TMX4: variants seen among roughly 807,000 people sequenced by gnomAD.
The protein encoded by TMX4 is thioredoxin-related transmembrane protein 4.
Under a neutral mutation model 33.3 loss-of-function variants are expected in TMX4, and 23 were observed. The ratio of observed to expected loss-of-function variants is 0.69; its 90% CI spans 0.50 to 0.98. The LOEUF is 0.98. Ranked by LOEUF, TMX4 falls within the 50% of genes least tolerant of loss-of-function variation. The pLI is 0.00. For synonymous variants in TMX4, 164 were observed against 161.5 expected (o/e 1.02, Z -0.12); for missense variants, 399 against 448.9 (o/e 0.89, Z 1.01).
At chr20:7,998,081 A>C (rs2050684292) in intron 4 of TMX4, among the ~76,000 whole-genome samples, 1 of 152,088 alleles carries the variant, frequency 6.6e-6, no homozygotes, top group Non-Finnish European at 1.5e-5. Context: ...CCTCCCCAGA[A>C]GCCAAGCAGA....
rs1229729808 is a variant in TMX4, at chr20:8,010,582, A to G, written c.177-267T>C. On this transcript the variant is annotated intron_variant, in intron 1 of 7. Transcript: ENST00000246024. ...TATTATCCATAAACATTTTATTTCA[A>G]TGCTATTCATACAATTATGTTTCTC... Among the ~76,000 whole-genome samples, 3 of 152,122 alleles carry G rather than the reference A, an allele frequency of 2.0e-5. No individual in the cohort carries two copies. In the East Asian group the frequency reaches 5.8e-4, roughly 29 times the overall value.
At chr20:8,008,572 G>C (rs1454965844) in intron 2 of TMX4, among the ~76,000 whole-genome samples, 1 of 152,060 alleles carries the variant, frequency 6.6e-6, no homozygotes, top group Non-Finnish European at 1.5e-5. Context: ...CCATCACAAG[G>C]CTGTTTAATT....
chr20:8,006,885 C>A (rs1164834077), intron 2 of TMX4, among the ~76,000 whole-genome samples: 1 of 151,990 alleles, frequency 6.6e-6, no homozygotes, highest in Non-Finnish European at 1.5e-5. Flanking sequence ...CCTGCCTCAG[C>A]CTCCCAAGTA....
intron 4 of TMX4, among the ~76,000 whole-genome samples, chr20:7,999,156 A>G (rs1427053807): frequency 6.6e-6 from 1 of 152,194 alleles, no homozygotes; most frequent in Non-Finnish European, 1.5e-5. Context: ...ATATACTAAC[A>G]TAAAATTATC....
Position 7,979,665 on chromosome 20 carries a change from G to A in TMX4, c.*2586C>T, listed in dbSNP as rs1372009412. ...GAGGCAGGAGAATCCCTTGAACTAGGGAGGCGGAGGTTGTAGTAAGCCAAG... is the reference window on the plus strand; with the variant it reads ...GAGGCAGGAGAATCCCTTGAACTAGAGAGGCGGAGGTTGTAGTAAGCCAAG... On this transcript the variant is annotated 3_prime_UTR_variant, in exon 8 of 8. Transcript: ENST00000246024. 1.3e-5 allele frequency: 2 copies of A among 151,724 alleles called. No homozygotes were observed. The highest frequency in any genetic ancestry group is 2.9e-5 in the Non-Finnish European group (2 of 67,922). 9.4% of individuals were successfully genotyped at this position (151,724 alleles called of 1,614,324 possible).
intron 3 of TMX4, among the ~76,000 whole-genome samples, chr20:8,000,540 C>G (rs1043128087): frequency 6.6e-6 from 1 of 152,114 alleles, no homozygotes; most frequent in African/African-American, 2.4e-5. Flanking sequence ...TTGTGCTTGG[C>G]TTTTATGACA....
At chr20:7,984,893 G>C (rs1183777182) in intron 6 of TMX4, among the ~76,000 whole-genome samples, 1 of 152,122 alleles carries the variant, frequency 6.6e-6, no homozygotes, top group South Asian at 2.1e-4. Flanking sequence ...CAACAGACAT[G>C]TCATCCTTCA....
At chr20:8,011,218 A>G (rs2050751708) in intron 1 of TMX4, among the ~76,000 whole-genome samples, 1 of 152,072 alleles carries the variant, frequency 6.6e-6, no homozygotes, top group Non-Finnish European at 1.5e-5. Flanking sequence ...GTTTTTACAA[A>G]ATGTGGCACC....
chr20:8,002,344 G>A (rs1460492709), intron 2 of TMX4, among the ~76,000 whole-genome samples: 2 of 152,030 alleles, frequency 1.3e-5, no homozygotes, highest in African/African-American at 4.8e-5. Context: ...TCTAGTAGCA[G>A]AAGGAAATAA....
chr20:7,997,380 A>G (rs1421546486), intron 4 of TMX4, among the ~76,000 whole-genome samples: 1 of 152,076 alleles, frequency 6.6e-6, no homozygotes, highest in East Asian at 1.9e-4. Context: ...AAATAGCCTA[A>G]TCAATCTTTT....
chr20:7,987,345 C>G lies in TMX4; in HGVS notation c.558G>C (p.Trp186Cys). ...CTATGACGAAAAAGACATAAGAACACCAAGCAGGAATTCCAAGAGTCACTG... is the reference window on the plus strand; with the variant it reads ...CTATGACGAAAAAGACATAAGAACAGCAAGCAGGAATTCCAAGAGTCACTG... Reference protein sequence around the residue: ...YFTVTLGIPAWCSYVFFVIAT... With the variant: ...YFTVTLGIPACCSYVFFVIAT... The change falls in exon 6 of 8, where the codon TGG becomes TGC. Residue 186 changes from tryptophan (W) to cysteine (C), a missense_variant. Coordinates refer to ENST00000246024, the MANE Select transcript of TMX4 (RefSeq NM_021156.4). 1 of 1,599,094 alleles carries G rather than the reference C, an allele frequency of 6.3e-7. No homozygotes were observed. Among genetic ancestry groups the G allele is most frequent in the East Asian group, 2.3e-5 (1 of 43,842 alleles).
intron 5 of TMX4, among the ~76,000 whole-genome samples, chr20:7,994,537 T>C (rs1238070774): frequency 6.6e-6 from 1 of 152,216 alleles, no homozygotes; most frequent in Non-Finnish European, 1.5e-5. Flanking sequence ...GGCCATTATG[T>C]ATCTTCCCTG....
rs73895461 is a variant in TMX4, at chr20:8,005,297, C to T, written c.293-3756G>A. 4.9e-3 allele frequency among the ~76,000 whole-genome samples: 740 copies of T among 152,278 alleles called. 5 individuals carry two copies. The highest frequency in any genetic ancestry group is 0.016 in the African/African-American group (678 of 41,568). On this transcript the variant is annotated intron_variant, in intron 2 of 7. Coordinates refer to ENST00000246024, the MANE Select transcript of TMX4 (RefSeq NM_021156.4). Reference sequence around the variant, plus strand: ...AGTATATACTCATTAAATTTAATTTCCCAAAGTCAACTCAACTGACACATC... The same window carrying T: ...AGTATATACTCATTAAATTTAATTTTCCAAAGTCAACTCAACTGACACATC...
Position 7,982,444 on chromosome 20 carries a change from G to C in TMX4, c.857C>G (p.Ala286Gly), listed in dbSNP as rs987887907. 1.2e-6 allele frequency: 2 copies of C among 1,614,064 alleles called. No individual in the cohort carries two copies. ...AEEEEEEDNL[A>G]AGVDEERSEA... The stretch of plus-strand genomic sequence containing the variant: ...ACTTCTCTCCTCATCCACACCAGCA[G>C]CCAAGTTGTCCTCCTCCTCTTCTTC... Residue 286 changes from alanine (A) to glycine (G), a missense_variant, in exon 8 of 8, where the codon GCT becomes GGT. By Grantham distance (60) the Ala-to-Gly change is moderately conservative. Coordinates refer to ENST00000246024, the MANE Select transcript of TMX4 (RefSeq NM_021156.4).
chr20:7,984,844 G>T (rs907601216), intron 6 of TMX4, among the ~76,000 whole-genome samples: 7 of 151,506 alleles, frequency 4.6e-5, no homozygotes, highest in Non-Finnish European at 8.8e-5. Context: ...GACTCAGTTG[G>T]TGAGATTACA....
At position 7,980,701 on chromosome 20, in the gene TMX4, G is replaced by C. The variant is rs1325400376; in HGVS notation, c.*1550C>G. The C allele has an allele frequency of 1.3e-5, 2 of 152,226 alleles. No homozygotes were observed. The highest frequency in any genetic ancestry group is 4.8e-5 in the African/African-American group (2 of 41,450). The allele number at this position is 152,226 out of a possible 1,614,324, so 9.4% of individuals were successfully genotyped here. On this transcript the variant is annotated 3_prime_UTR_variant, in exon 8 of 8. Transcript: ENST00000246024. The stretch of plus-strand genomic sequence containing the variant: ...GTAACTGAATTGGAAAGATGAAAAA[G>C]AACCATCTCTAAAAGTTGATGCTGT...
intron 2 of TMX4, among the ~76,000 whole-genome samples, chr20:8,004,287 A>C (rs2050718714): frequency 6.6e-6 from 1 of 152,206 alleles, no homozygotes; most frequent in Admixed American, 6.5e-5. Context: ...CTTGGAATAC[A>C]GAAGCACCAT....
At chr20:8,016,987 A>G (rs1235089459) in intron 1 of TMX4, among the ~76,000 whole-genome samples, 4 of 125,304 alleles carry the variant, frequency 3.2e-5, no homozygotes, top group Non-Finnish European at 4.7e-5. Context: ...TGTTATATAC[A>G]TAAAAAAAAA....
chr20:8,004,151 AG>A (rs527695345), intron 2 of TMX4, among the ~76,000 whole-genome samples: 88 of 151,500 alleles, frequency 5.8e-4, no homozygotes, highest in African/African-American at 2.1e-3. Flanking sequence ...AACTTCTGGG[AG>A]GCTAAAAGAC....
Sources: allele counts gnomAD v4.1 joint callset (sites outside exome capture counted in the v4.1 genomes callset), GRCh38; gene constraint gnomAD v4.1.1; transcripts MANE v1.5; gene names NCBI Gene and HGNC (gene_info 2026-07-23, HGNC 2026-07-21).